The following TMEM108 variants were observed in gnomAD, a reference collection of about 807,000 sequenced individuals.
The protein encoded by TMEM108 is transmembrane protein 108.
In TMEM108, 12 loss-of-function variants were observed where a neutral mutation model predicts 35.1. The observed-to-expected ratio is 0.34, with a 90% CI of 0.22 to 0.55. The LOEUF (loss-of-function observed/expected upper bound fraction) is 0.55, where lower values mean the gene tolerates loss of function less well. Among genes scored for constraint, TMEM108 ranks in the 20% least tolerant of loss-of-function variants. The probability of loss-of-function intolerance (pLI) is 0.89; values close to 1 mark genes in which losing one functional copy is unlikely to be tolerated. For synonymous variants in TMEM108, 287 were observed against 308.6 expected (o/e 0.93, Z 0.73); for missense variants, 680 against 753.3 (o/e 0.90, Z 1.14).
At chr3:133,219,590 T>G (rs879818700) in intron 2 of TMEM108, among the ~76,000 whole-genome samples, 1 of 152,172 alleles carries the variant, frequency 6.6e-6, no homozygotes, top group African/African-American at 2.4e-5. Context: ...CCATTTAATT[T>G]ATTCTTTGGT....
chr3:133,361,588 C>T (rs1188247953), intron 3 of TMEM108, among the ~76,000 whole-genome samples: 1 of 152,154 alleles, frequency 6.6e-6, no homozygotes, highest in Non-Finnish European at 1.5e-5. Flanking sequence ...TTGGCATCAG[C>T]TGGGCTGAAA....
intron 4 of TMEM108, among the ~76,000 whole-genome samples, chr3:133,382,569 C>CTCTT (rs1186356285): frequency 6.6e-6 from 1 of 152,196 alleles, no homozygotes; most frequent in Admixed American, 6.5e-5. Flanking sequence ...CGATGGTGGA[C>CTCTT]TCTTTCTTTA....
chr3:133,377,679 G>GC lies in TMEM108; in HGVS notation c.41-2072dup, dbSNP rs573385264. On this transcript the variant is annotated intron_variant, in intron 3 of 5. Coordinates refer to ENST00000321871, the MANE Select transcript of TMEM108 (RefSeq NM_023943.4). ...GGATTGACTCGAATACACAGAATGT[G>GC]CTGTCGGTGTGTGGTCTAGATCAGG... 1.3e-4 allele frequency among the ~76,000 whole-genome samples: 20 copies of GC among 152,372 alleles called. No individual in the cohort carries two copies. In the South Asian group the frequency reaches 3.9e-3, roughly 30 times the overall value.
At chr3:133,256,333 T>C (rs1278731811) in intron 3 of TMEM108, among the ~76,000 whole-genome samples, 1 of 152,160 alleles carries the variant, frequency 6.6e-6, no homozygotes, top group African/African-American at 2.4e-5. Flanking sequence ...CTAAAAGATA[T>C]GCCTCAGGAA....
chr3:133,265,190 C>T (rs1946680366), intron 3 of TMEM108, among the ~76,000 whole-genome samples: 1 of 152,190 alleles, frequency 6.6e-6, no homozygotes, highest in Admixed American at 6.5e-5. Flanking sequence ...ATCATCATAG[C>T]CAGACGTAGG....
intron 5 of TMEM108, among the ~76,000 whole-genome samples, chr3:133,391,766 C>T (rs978592702): frequency 1.3e-5 from 2 of 152,202 alleles, no homozygotes; most frequent in African/African-American, 4.8e-5. Context: ...TGCTGCAGGG[C>T]CCAGTCTAAA....
At chr3:133,270,712 C>G (rs1445902315) in intron 3 of TMEM108, among the ~76,000 whole-genome samples, 1 of 152,022 alleles carries the variant, frequency 6.6e-6, no homozygotes, top group Non-Finnish European at 1.5e-5. Context: ...CAGCCTGGCT[C>G]CATTCCTTGG....
At chr3:133,321,870 A>G (rs969118578) in intron 3 of TMEM108, among the ~76,000 whole-genome samples, 2 of 152,206 alleles carry the variant, frequency 1.3e-5, no homozygotes, top group African/African-American at 4.8e-5. Context: ...ATTAATTCCA[A>G]ATGGAACCCT....
intron 2 of TMEM108, among the ~76,000 whole-genome samples, chr3:133,153,276 C>A (rs1295765601): frequency 6.6e-6 from 1 of 152,108 alleles, no homozygotes; most frequent in Non-Finnish European, 1.5e-5. Flanking sequence ...TCCCTTCCAG[C>A]CCTAAAATTT....
intron 3 of TMEM108, among the ~76,000 whole-genome samples, chr3:133,321,793 C>T (rs766123876): frequency 6.6e-6 from 1 of 152,086 alleles, no homozygotes; most frequent in Non-Finnish European, 1.5e-5. Flanking sequence ...AAACAAATCT[C>T]AATGAATTGA....
At chr3:133,085,764 A>AT (rs79002892) in intron 2 of TMEM108, among the ~76,000 whole-genome samples, 22,948 of 150,490 alleles carry the variant, frequency 0.15, 1,773 homozygotes, top group East Asian at 0.19. Flanking sequence ...AATTACTTTT[A>AT]TTTTTTTTTC....
At chr3:133,314,727 A>G (rs1289734094) in intron 3 of TMEM108, among the ~76,000 whole-genome samples, 1 of 152,190 alleles carries the variant, frequency 6.6e-6, no homozygotes, top group African/African-American at 2.4e-5. Flanking sequence ...TGGTGGATGG[A>G]TAGCTTTGCC....
At chr3:133,223,475 C>T (rs189017473) in intron 2 of TMEM108, among the ~76,000 whole-genome samples, 1,893 of 152,248 alleles carry the variant, frequency 0.012, 15 homozygotes, top group South Asian at 0.024. Context: ...GGTTGTTTTT[C>T]CTTTATGCAG....
At chr3:133,147,176 GT>G (rs1371853998) in intron 2 of TMEM108, among the ~76,000 whole-genome samples, 11 of 152,204 alleles carry the variant, frequency 7.2e-5, no homozygotes, top group African/African-American at 2.4e-4. Flanking sequence ...GTTCTCATAG[GT>G]TTCAAAGAAC....
At chr3:133,306,551 G>A (rs1414561739) in intron 3 of TMEM108, among the ~76,000 whole-genome samples, 1 of 151,992 alleles carries the variant, frequency 6.6e-6, no homozygotes, top group Admixed American at 6.6e-5. Flanking sequence ...AGTGTGTGAT[G>A]TTCACCGCCC....
At chr3:133,057,433 GTGTATATA>G (rs1357979499) in intron 2 of TMEM108, among the ~76,000 whole-genome samples, 171 of 24,712 alleles carry the variant, frequency 6.9e-3, no homozygotes, top group African/African-American at 0.014. Context: ...GTGTGTGTGT[GTGTATATA>G]TATATATATA....
chr3:133,212,609 G>A (rs1945848061), intron 2 of TMEM108, among the ~76,000 whole-genome samples: 1 of 152,090 alleles, frequency 6.6e-6, no homozygotes, highest in Non-Finnish European at 1.5e-5. Flanking sequence ...TCTCATGCCT[G>A]TAATCCCAGT....
chr3:133,078,165 GCGCGCGCGCACA>G (rs749567193), intron 2 of TMEM108, among the ~76,000 whole-genome samples: 2,957 of 47,856 alleles, frequency 0.062, 41 homozygotes, highest in Non-Finnish European at 0.077. Context: ...GTGTGCACGC[GCGCGCGCGCACA>G]CGTGTGTGTG....
At chr3:133,193,329 A>G (rs1318198432) in intron 2 of TMEM108, among the ~76,000 whole-genome samples, 1 of 152,220 alleles carries the variant, frequency 6.6e-6, no homozygotes, top group Admixed American at 6.5e-5. Flanking sequence ...TTCAGAGATA[A>G]TTCAATGAAT....
Sources: gnomAD v4.1 joint callset for allele counts (sites outside exome capture counted in the v4.1 genomes callset) on GRCh38, gnomAD v4.1.1 for gene constraint, MANE v1.5 for transcripts, NCBI Gene and HGNC (gene_info 2026-07-23, HGNC 2026-07-21) for gene names.